Variants in KIRREL3 observed in about 807,000 individuals in gnomAD.
The protein encoded by KIRREL3 is kirre like nephrin family adhesion molecule 3, also known as kin of IRRE-like protein 3.
A neutral mutation model predicts 89.7 loss-of-function variants in KIRREL3; 36 were observed. The ratio of observed to expected loss-of-function variants is 0.40; its 90% CI spans 0.31 to 0.53. KIRREL3 has a LOEUF of 0.53. Among genes scored for constraint, KIRREL3 ranks in the 20% least tolerant of loss-of-function variants. The pLI is 0.49. For synonymous variants in KIRREL3, 445 were observed against 441.4 expected (o/e 1.01, Z -0.10); for missense variants, 864 against 1,056.6 (o/e 0.82, Z 2.53).
At chr11:126,450,319 G>C (rs188003872) in intron 7 of KIRREL3, among the ~76,000 whole-genome samples, 42 of 151,144 alleles carry the variant, frequency 2.8e-4, no homozygotes, top group African/African-American at 9.0e-4. Context: ...CCATGTGCAC[G>C]TGTGCATGTG....
intron 9 of KIRREL3, among the ~76,000 whole-genome samples, chr11:126,445,557 C>T (rs541758541): frequency 6.6e-6 from 1 of 152,294 alleles, no homozygotes; most frequent in East Asian, 1.9e-4. Context: ...TTCAGGATCC[C>T]TTTGGGATAT....
intron 1 of KIRREL3, among the ~76,000 whole-genome samples, chr11:126,794,344 G>T (rs1336915288): frequency 2.6e-5 from 4 of 152,210 alleles, no homozygotes; most frequent in South Asian, 2.1e-4. Context: ...GTGAAGGCTT[G>T]TTCAGTGGGG....
Position 126,647,769 on chromosome 11 carries a change from A to G in KIRREL3, c.56-84857T>C, listed in dbSNP as rs551495023. Among the ~76,000 whole-genome samples the G allele has an allele frequency of 6.6e-6, 1 of 152,306 alleles. No individual in the cohort carries two copies. The highest frequency in any genetic ancestry group is 2.1e-4 in the South Asian group (1 of 4,828). On this transcript the variant is annotated intron_variant, in intron 1 of 16. Transcript: ENST00000525144. The surrounding 1 kb of genome is among the most constrained non-coding windows in gnomAD (Gnocchi z 4.9). ...CTAGTTTCAACAGGGCAGTCTGAGT[A>G]GTGCTTTTAAAAACCTAAGTCAGAG...
At chr11:126,856,885 G>A (rs762011555) in intron 1 of KIRREL3, among the ~76,000 whole-genome samples, 1 of 152,092 alleles carries the variant, frequency 6.6e-6, no homozygotes, top group Non-Finnish European at 1.5e-5. Context: ...GAGCCACTGC[G>A]CTGGGCCCAT....
At chr11:126,650,905 GA>G (rs1181498439) in intron 1 of KIRREL3, among the ~76,000 whole-genome samples, 1 of 152,220 alleles carries the variant, frequency 6.6e-6, no homozygotes, top group African/African-American at 2.4e-5. Context: ...ACATGGCTGG[GA>G]AGATCTCAGA....
Position 126,563,504 on chromosome 11 carries a change from T to C in KIRREL3, c.56-592A>G, listed in dbSNP as rs1333438270. On this transcript the variant is annotated intron_variant, in intron 1 of 16. Transcript: ENST00000525144. The surrounding 1 kb of genome is among the most constrained non-coding windows in gnomAD (Gnocchi z 6.8). ...CTACCTTTTGGAGAGGGTGCGTTTC[T>C]GGTGCTAGAGATTCCTGTGCCTTCC... is the stretch of plus-strand genomic sequence containing the variant. Among the ~76,000 whole-genome samples the C allele has an allele frequency of 6.6e-6, 1 of 152,178 alleles. No homozygotes were observed. The highest frequency in any genetic ancestry group is 1.5e-5 in the Non-Finnish European group (1 of 68,024).
intron 4 of KIRREL3, among the ~76,000 whole-genome samples, chr11:126,514,605 C>T (rs1234838331): frequency 1.3e-5 from 2 of 152,314 alleles, no homozygotes; most frequent in Non-Finnish European, 2.9e-5. Flanking sequence ...TATTCTGAGA[C>T]ATGTTTTACA....
At chr11:126,753,594 GT>G (rs1949405128) in intron 1 of KIRREL3, among the ~76,000 whole-genome samples, 1 of 152,180 alleles carries the variant, frequency 6.6e-6, no homozygotes, top group Admixed American at 6.5e-5. Flanking sequence ...AACAACTCAA[GT>G]GTTCTATTTT....
At chr11:126,546,744 C>T (rs151336579) in intron 2 of KIRREL3, among the ~76,000 whole-genome samples, 478 of 152,256 alleles carry the variant, frequency 3.1e-3, no homozygotes, top group Non-Finnish European at 4.8e-3. Context: ...GCTATTAACC[C>T]GGATCTCTGA....
rs952786401 is a variant in KIRREL3, at chr11:126,742,673, A to G, written c.56-179761T>C. ...TCAGCCTAGGTATGTCTAACTCCGA[A>G]TTTTATTTTCTCTCAAATATATATC... On this transcript the variant is annotated intron_variant, in intron 1 of 16. Coordinates refer to ENST00000525144, the MANE Select transcript of KIRREL3 (RefSeq NM_032531.4). The surrounding 1 kb of genome is among the most constrained non-coding windows in gnomAD (Gnocchi z 5.3). Among the ~76,000 whole-genome samples, 3 of 152,196 alleles carry G rather than the reference A, an allele frequency of 2.0e-5. No homozygotes were observed. Among genetic ancestry groups the G allele is most frequent in the African/African-American group, 7.2e-5 (3 of 41,450 alleles).
intron 1 of KIRREL3, among the ~76,000 whole-genome samples, chr11:126,706,139 A>C (rs1167267095): frequency 1.3e-5 from 2 of 152,232 alleles, no homozygotes; most frequent in Non-Finnish European, 2.9e-5. Flanking sequence ...TGAACCACTC[A>C]ACTGAACATT....
At chr11:126,585,043 G>A (rs1389076913) in intron 1 of KIRREL3, among the ~76,000 whole-genome samples, 1 of 150,494 alleles carries the variant, frequency 6.6e-6, no homozygotes, top group Non-Finnish European at 1.5e-5. Context: ...CTCAGCCTCC[G>A]GAGCAGCTGG....
intron 1 of KIRREL3, among the ~76,000 whole-genome samples, chr11:126,832,594 C>T (rs1943645010): frequency 6.6e-6 from 1 of 152,102 alleles, no homozygotes; most frequent in Non-Finnish European, 1.5e-5. Context: ...AGCCAGATCG[C>T]GAGATAAGCT....
chr11:127,000,350 C>CAT lies in KIRREL3; in HGVS notation c.55+103_55+104dup. On this transcript the variant is annotated intron_variant, in intron 1 of 16. Coordinates refer to ENST00000525144, the MANE Select transcript of KIRREL3 (RefSeq NM_032531.4). This position sits in a 1 kb window ranked among gnomAD's most constrained non-coding sequence, Gnocchi z 7.1. ...TCAGCCCGGCACCGAGAGACGCATC[C>CAT]ATCAGTCCGAGTTCCCGAAGCCTGC... is the stretch of plus-strand genomic sequence containing the variant. 1 of 847,522 alleles carries CAT rather than the reference C, an allele frequency of 1.2e-6. No homozygotes were observed. The highest frequency in any genetic ancestry group is 1.8e-6 in the Non-Finnish European group (1 of 541,410). 52.5% of individuals were successfully genotyped at this position (847,522 alleles called of 1,614,324 possible).
chr11:126,886,197 G>A lies in KIRREL3; in HGVS notation c.55+114258C>T, dbSNP rs374583926. Among the ~76,000 whole-genome samples, 91 of 152,316 alleles carry A rather than the reference G, an allele frequency of 6.0e-4. 1 individual carries two copies. Among genetic ancestry groups the A allele is most frequent in the African/African-American group, 2.1e-3 (87 of 41,556 alleles). On this transcript the variant is annotated intron_variant, in intron 1 of 16. Coordinates refer to ENST00000525144, the MANE Select transcript of KIRREL3 (RefSeq NM_032531.4). ...ACCCAGCTCTGAGGATGCAAAGGGT[G>A]CAGAAATGTCTCAATGTTGGGAGAT...
Position 126,475,517 on chromosome 11 carries a change from CAGGGCTTCCGAGAAGCCATCA to C in KIRREL3, c.434-2072_434-2052del, listed in dbSNP as rs1416550834. 6.6e-6 allele frequency among the ~76,000 whole-genome samples: 1 copy of C among 152,190 alleles called. No individual in the cohort carries two copies. Among genetic ancestry groups the C allele is most frequent in the East Asian group, 1.9e-4 (1 of 5,190 alleles). On this transcript the variant is annotated intron_variant, in intron 4 of 16. Transcript: ENST00000525144. This position sits in a 1 kb window ranked among gnomAD's most constrained non-coding sequence, Gnocchi z 7.5. ...ATTTCCTGAGGAACAAGCAACCTCC[CAGGGCTTCCGAGAAGCCATCA>C]CTGACCCCAGGGGCAGCGAGCCCCG...
At position 126,423,417 on chromosome 11, in the gene KIRREL3, C is replaced by T. The variant is rs1245391651; in HGVS notation, c.*1163G>A. The T allele has an allele frequency of 1.3e-5, 2 of 152,140 alleles. No individual in the cohort carries two copies. Among genetic ancestry groups the T allele is most frequent in the African/African-American group, 4.8e-5 (2 of 41,428 alleles). 9.4% of individuals were successfully genotyped at this position (152,140 alleles called of 1,614,324 possible). On this transcript the variant is annotated 3_prime_UTR_variant, in exon 17 of 17. Transcript: ENST00000525144. The stretch of plus-strand genomic sequence containing the variant: ...ATTGAATCAAAGGAGGGCAGAGAAC[C>T]TTGGGTTCCCAACGCATTCTATGAG...
intron 1 of KIRREL3, among the ~76,000 whole-genome samples, chr11:126,839,454 T>C (rs1943889504): frequency 1.3e-5 from 2 of 152,136 alleles, no homozygotes; most frequent in Non-Finnish European, 2.9e-5. Context: ...GTGTTTTGTT[T>C]TGTTGGGGGG....
rs567013475 is a variant in KIRREL3, at chr11:126,811,247, C to A, written c.55+189208G>T. ...AATTCTTCTGTTTTCCAGGAGGTGT[C>A]CCTAGTACCCTTCCCACCCGCTTTC... On this transcript the variant is annotated intron_variant, in intron 1 of 16. Coordinates refer to ENST00000525144, the MANE Select transcript of KIRREL3 (RefSeq NM_032531.4). This position sits in a 1 kb window ranked among gnomAD's most constrained non-coding sequence, Gnocchi z 4.3. 1.3e-4 allele frequency among the ~76,000 whole-genome samples: 20 copies of A among 152,316 alleles called. No homozygotes were observed. Among genetic ancestry groups the A allele is most frequent in the Middle Eastern group, 6.8e-3 (2 of 294 alleles).
Sources: gnomAD v4.1 joint callset for allele counts (sites outside exome capture counted in the v4.1 genomes callset) on GRCh38, gnomAD v4.1.1 for gene constraint, Gnocchi (gnomAD v3.1) non-coding constraint, MANE v1.5 for transcripts, NCBI Gene and HGNC (gene_info 2026-07-23, HGNC 2026-07-21) for gene names.